The following WDR45B variants were observed in gnomAD, a reference collection of about 807,000 sequenced individuals.
The protein encoded by WDR45B is WD repeat domain 45B.
Under a neutral mutation model 44.6 loss-of-function variants are expected in WDR45B, and 20 were observed. The ratio of observed to expected loss-of-function variants is 0.45; its 90% CI spans 0.32 to 0.65. The LOEUF is 0.65. Ranked by LOEUF, WDR45B falls within the 30% of genes least tolerant of loss-of-function variation. The probability of loss-of-function intolerance (pLI) is 0.05; values close to 1 mark genes in which losing one functional copy is unlikely to be tolerated. For missense variants in WDR45B, 323 were observed against 430.2 expected (o/e 0.75, Z 2.20); for synonymous variants, 169 against 164.9 (o/e 1.02, Z -0.19).
At chr17:82,632,586 A>G (rs1009264363) in intron 2 of WDR45B, among the ~76,000 whole-genome samples, 4 of 152,140 alleles carry the variant, frequency 2.6e-5, no homozygotes, top group Non-Finnish European at 5.9e-5. Context: ...CACTGATGAG[A>G]AACTCCCACG....
chr17:82,647,806 T>C (rs929959953), intron 1 of WDR45B, among the ~76,000 whole-genome samples: 7 of 151,578 alleles, frequency 4.6e-5, no homozygotes, highest in Non-Finnish European at 5.9e-5. Context: ...GGCTACCTAC[T>C]AAAGACCCTG....
chr17:82,632,034 T>A (rs1030369138), intron 2 of WDR45B, among the ~76,000 whole-genome samples: 12 of 151,240 alleles, frequency 7.9e-5, no homozygotes, highest in South Asian at 2.1e-4. Context: ...TGAGCCGAGA[T>A]CACACCACTG....
At position 82,615,737 on chromosome 17, in the gene WDR45B, A is replaced by G. The variant is rs2045523505; in HGVS notation, c.*182T>C. On this transcript the variant is annotated 3_prime_UTR_variant, in exon 10 of 10. Coordinates refer to ENST00000392325, the MANE Select transcript of WDR45B (RefSeq NM_019613.4). ...AGTTACCTACGGTGCCTTGATGATG[A>G]TTCTCTCTTTAATACTGGAAATGGG... 1.6e-6 allele frequency: 1 copy of G among 631,524 alleles called. No individual in the cohort carries two copies. Among genetic ancestry groups the G allele is most frequent in the Non-Finnish European group, 2.8e-6 (1 of 353,526 alleles). 39.1% of individuals were successfully genotyped at this position (631,524 alleles called of 1,614,324 possible).
In WDR45B at chr17:82,630,912, T is replaced by G; in HGVS notation, c.244+9A>C. 1 of 1,610,838 alleles carries G rather than the reference T, an allele frequency of 6.2e-7. No homozygotes were observed. Among genetic ancestry groups the G allele is most frequent in the Non-Finnish European group, 8.5e-7 (1 of 1,178,820 alleles). On this transcript the variant is annotated intron_variant, in intron 3 of 9. Coordinates refer to ENST00000392325, the MANE Select transcript of WDR45B (RefSeq NM_019613.4). ...TGAGGCATGATTCTTCAATACACAA[T>G]TACAGTACCTTTGTTGGGAGGGTAT...
intron 4 of WDR45B, chr17:82,625,881 T>G (rs929922699): frequency 3.8e-6 from 1 of 260,874 alleles, no homozygotes; most frequent in Non-Finnish European, 7.5e-6. Flanking sequence ...TTTGCATTAT[T>G]ATTATTATTA....
In WDR45B at chr17:82,648,390, GGGGACGGCGGCCTGGTCCCTTC is replaced by G; in HGVS notation, c.-72_-51del. The G allele has an allele frequency of 2.5e-6, 4 of 1,587,670 alleles. No homozygotes were observed. Among genetic ancestry groups the G allele is most frequent in the South Asian group, 2.3e-5 (2 of 88,134 alleles). ...TCCTCAGCGCTGCATGCCTCTCGCT[GGGGACGGCGGCCTGGTCCCTTC>G]GGGCCGGCGCTGAGGCCGCCGCGGC... On this transcript the variant is annotated 5_prime_UTR_variant, in exon 1 of 10. Coordinates refer to ENST00000392325, the MANE Select transcript of WDR45B (RefSeq NM_019613.4).
intron 2 of WDR45B, among the ~76,000 whole-genome samples, chr17:82,635,997 G>T (rs1266700976): frequency 2.6e-5 from 4 of 151,986 alleles, no homozygotes; most frequent in African/African-American, 9.7e-5. Context: ...TGGGGCAGGA[G>T]AATCACTTGA....
At chr17:82,631,111 C>T (rs1040209041) in intron 2 of WDR45B, 89 bp from the exon 3 acceptor site, 25 of 1,317,902 alleles carry the variant, frequency 1.9e-5, no homozygotes, top group Middle Eastern at 2.0e-4. Flanking sequence ...AGACAGGTAA[C>T]GCAGCAATTT....
chr17:82,619,205 C>T, intron 6 of WDR45B, 77 bp from the exon 7 acceptor site: 2 of 1,349,460 alleles, frequency 1.5e-6, no homozygotes, highest in Admixed American at 1.7e-5. Flanking sequence ...CTCACATTCA[C>T]AAATCCATTA....
At chr17:82,643,807 T>C in intron 2 of WDR45B, 142 bp downstream of exon 2, 2 of 805,402 alleles carry the variant, frequency 2.5e-6, no homozygotes, top group Non-Finnish European at 4.2e-6. Context: ...AGAGGACAGC[T>C]CCCTCCAAGT....
At chr17:82,631,149 A>C in intron 2 of WDR45B, 127 bp from the exon 3 acceptor site, 47 of 878,138 alleles carry the variant, frequency 5.4e-5, no homozygotes, top group Non-Finnish European at 7.2e-5. Flanking sequence ...ACAAGATCTC[A>C]CTGTGTTGCC....
intron 5 of WDR45B, 118 bp from the exon 6 acceptor site, chr17:82,621,917 A>C: frequency 8.8e-7 from 1 of 1,142,450 alleles, no homozygotes; most frequent in Non-Finnish European, 1.3e-6. Context: ...TAAATATCAG[A>C]ACCACAAATT....
chr17:82,619,083 G>A lies in WDR45B; in HGVS notation c.664C>T (p.Gln222Ter). Residue 222 changes from glutamine to a stop codon, truncating the protein, a stop_gained, in exon 7 of 10, where the codon CAG becomes TAG. Coordinates refer to ENST00000392325, the MANE Select transcript of WDR45B (RefSeq NM_019613.4). LOFTEE classifies it high-confidence loss of function. ...IFDTSSGHLI[Q>*]ELRRGSQAAN... is the part of the protein sequence containing the mutation. The stretch of plus-strand genomic sequence containing the variant: ...GCTTGAGATCCTCTTCGCAGTTCCT[G>A]GATTAAATGCCCTGATGAAGTATCA... The A allele has an allele frequency of 6.2e-7, 1 of 1,614,124 alleles. No homozygotes were observed. The highest frequency in any genetic ancestry group is 8.5e-7 in the Non-Finnish European group (1 of 1,180,014).
chr17:82,642,870 G>T (rs758667074), intron 2 of WDR45B, among the ~76,000 whole-genome samples: 1 of 152,204 alleles, frequency 6.6e-6, no homozygotes, highest in African/African-American at 2.4e-5. Flanking sequence ...CAACTCTCCT[G>T]TAAGCTTCTG....
chr17:82,638,437 G>C (rs573430194), intron 2 of WDR45B, among the ~76,000 whole-genome samples: 2 of 151,524 alleles, frequency 1.3e-5, no homozygotes, highest in South Asian at 2.1e-4. Context: ...GGGAGTTACC[G>C]GCCAGGGTGA....
At chr17:82,629,308 C>G (rs1480119591) in intron 3 of WDR45B, among the ~76,000 whole-genome samples, 1 of 152,196 alleles carries the variant, frequency 6.6e-6, no homozygotes, top group Non-Finnish European at 1.5e-5. Context: ...ATGAAGTTCT[C>G]CATGACAAGA....
intron 3 of WDR45B, chr17:82,629,476 C>A: frequency 1.0e-6 from 1 of 984,826 alleles, no homozygotes; most frequent in Non-Finnish European, 1.2e-6. Context: ...CTCTGCCCCT[C>A]TGGGCTATGC....
At chr17:82,620,249 C>A (rs1271755725) in intron 6 of WDR45B, among the ~76,000 whole-genome samples, 1 of 152,188 alleles carries the variant, frequency 6.6e-6, no homozygotes, top group Non-Finnish European at 1.5e-5. Context: ...GCCTGACCAA[C>A]ATGGTGAAAC....
intron 1 of WDR45B, among the ~76,000 whole-genome samples, chr17:82,645,780 G>T (rs2045968094): frequency 6.6e-6 from 1 of 152,124 alleles, no homozygotes; most frequent in African/African-American, 2.4e-5. Flanking sequence ...AACCATGGTA[G>T]ACTGGATATA....
Sources: allele counts gnomAD v4.1 joint callset (sites outside exome capture counted in the v4.1 genomes callset), GRCh38; gene constraint gnomAD v4.1.1; transcripts MANE v1.5; gene names NCBI Gene and HGNC (gene_info 2026-07-23, HGNC 2026-07-21).